TNFRSF11B: variants seen among roughly 807,000 people sequenced by gnomAD.
TNFRSF11B encodes tumor necrosis factor receptor superfamily member 11B.
Under a neutral mutation model 43.4 loss-of-function variants are expected in TNFRSF11B, and 16 were observed. The observed-to-expected ratio is 0.37, with a 90% CI of 0.25 to 0.56. TNFRSF11B has a LOEUF of 0.56. Among genes scored for constraint, TNFRSF11B ranks in the 20% least tolerant of loss-of-function variants. TNFRSF11B has a pLI of 0.80. For missense variants in TNFRSF11B, 444 were observed against 490.1 expected, an observed-to-expected ratio of 0.91 and a Z score of 0.89; for synonymous variants, 185 against 181.8, an observed-to-expected ratio of 1.02 and a Z score of -0.14.
chr8:118,938,798 T>C (rs1445423647), intron 1 of TNFRSF11B, among the ~76,000 whole-genome samples: 1 of 152,240 alleles, frequency 6.6e-6, no homozygotes, highest in East Asian at 1.9e-4. Context: ...GGTGTATGCA[T>C]CTTCCTAAAA....
intron 1 of TNFRSF11B, among the ~76,000 whole-genome samples, chr8:118,934,833 A>G (rs935049872): frequency 6.6e-6 from 1 of 152,204 alleles, no homozygotes; most frequent in Non-Finnish European, 1.5e-5. Context: ...AAGGCATGCC[A>G]AGCTAGGGAA....
intron 1 of TNFRSF11B, among the ~76,000 whole-genome samples, chr8:118,950,533 C>T (rs997006849): frequency 9.2e-5 from 14 of 152,252 alleles, no homozygotes; most frequent in Middle Eastern, 3.4e-3. Flanking sequence ...CTTGAGGTGC[C>T]GATAATATAT....
rs1262914433 is a variant in TNFRSF11B at position 118,924,264 on chromosome 8, T to G, written c.*110A>C. 2 of 1,312,196 alleles carry G rather than the reference T, an allele frequency of 1.5e-6. No homozygotes were observed. Among genetic ancestry groups the G allele is most frequent in the Non-Finnish European group, 2.2e-6 (2 of 918,636 alleles). The allele number at this position is 1,312,196 out of a possible 1,614,324, so 81.3% of individuals were successfully genotyped here. ...TTTTAGTACCCTGTGGCAAAATTAG[T>G]CACTGGTAATGAGAAAGATATCACT... On this transcript the variant is annotated 3_prime_UTR_variant, in exon 5 of 5. Coordinates refer to ENST00000297350, the MANE Select transcript of TNFRSF11B (RefSeq NM_002546.4).
chr8:118,944,604 G>GT (rs996585696), intron 1 of TNFRSF11B, among the ~76,000 whole-genome samples: 33 of 151,424 alleles, frequency 2.2e-4, no homozygotes, highest in Middle Eastern at 3.4e-3. Flanking sequence ...GCACAATCTA[G>GT]TTTTTTTTTC....
At chr8:118,947,947 A>T (rs1812590853) in intron 1 of TNFRSF11B, among the ~76,000 whole-genome samples, 1 of 152,190 alleles carries the variant, frequency 6.6e-6, no homozygotes, top group Non-Finnish European at 1.5e-5. Flanking sequence ...TTTATTATAA[A>T]TTACTTTCTT....
At chr8:118,930,080 C>T (rs1812305315) in intron 2 of TNFRSF11B, among the ~76,000 whole-genome samples, 1 of 152,128 alleles carries the variant, frequency 6.6e-6, no homozygotes, top group African/African-American at 2.4e-5. Flanking sequence ...AAAAAAAGAA[C>T]AGGAGGGGAA....
At chr8:118,948,991 G>A (rs1330017851) in intron 1 of TNFRSF11B, among the ~76,000 whole-genome samples, 1 of 152,060 alleles carries the variant, frequency 6.6e-6, no homozygotes, top group African/African-American at 2.4e-5. Context: ...ACTTAGCTTT[G>A]AGAAGTTCAA....
At chr8:118,944,666 G>A (rs11573846) in intron 1 of TNFRSF11B, among the ~76,000 whole-genome samples, 10,119 of 152,062 alleles carry the variant, frequency 0.067, 403 homozygotes, top group South Asian at 0.092. Flanking sequence ...GAAACAGAGC[G>A]TGGGTGCAGA....
intron 1 of TNFRSF11B, among the ~76,000 whole-genome samples, chr8:118,933,974 A>G (rs1812367290): frequency 6.6e-6 from 1 of 152,222 alleles, no homozygotes; most frequent in Non-Finnish European, 1.5e-5. Flanking sequence ...ATAATACATT[A>G]TAATAAACTA....
intron 2 of TNFRSF11B, 66 bp from the exon 3 acceptor site, chr8:118,928,995 A>C: frequency 6.8e-7 from 1 of 1,478,662 alleles, no homozygotes; most frequent in Non-Finnish European, 9.4e-7. Flanking sequence ...TGCCCTCTTA[A>C]CACAGTTTTG....
At chr8:118,942,198 C>A (rs1423498867) in intron 1 of TNFRSF11B, among the ~76,000 whole-genome samples, 1 of 150,806 alleles carries the variant, frequency 6.6e-6, no homozygotes, top group Non-Finnish European at 1.5e-5. Flanking sequence ...AGGTATATCT[C>A]CTAATGCTAT....
Position 118,928,012 on chromosome 8 carries a change from A to ATGTGTGTG in TNFRSF11B, c.592+718_592+725dup, listed in dbSNP as rs58489703. Among the ~76,000 whole-genome samples the ATGTGTGTG allele has an allele frequency of 4.8e-3, 690 of 145,254 alleles. 2 individuals carry two copies. Among genetic ancestry groups the ATGTGTGTG allele is most frequent in the African/African-American group, 0.012 (472 of 39,176 alleles). On this transcript the variant is annotated intron_variant, in intron 3 of 4. Transcript: ENST00000297350. ...TAACAAAGCCAAGTACACATTTCTA[A>ATGTGTGTG]TGTGTGTGTGTGTGTGTGTGTGTGT... is the stretch of plus-strand genomic sequence containing the variant.
chr8:118,937,421 G>A (rs1246970203), intron 1 of TNFRSF11B, among the ~76,000 whole-genome samples: 1 of 152,068 alleles, frequency 6.6e-6, no homozygotes, highest in East Asian at 1.9e-4. Context: ...CATTCCCTCT[G>A]TAAAATCACC....
Position 118,933,417 on chromosome 8 carries a change from C to T in TNFRSF11B, c.31-117G>A. The T allele has an allele frequency of 4.7e-6, 7 of 1,494,426 alleles. No individual in the cohort carries two copies. In the East Asian group the frequency reaches 6.9e-5, roughly 15 times the overall value. 92.6% of individuals were successfully genotyped at this position (1,494,426 alleles called of 1,614,324 possible). A position where few individuals can be genotyped will look rare whatever the true frequency, so the allele number is the denominator to read the frequency against. ...ATTACCTTAAGCCTAATGAGATTTG[C>T]CACAAAGTAAGCTTGGAAGCCATAA... On this transcript the variant is annotated intron_variant, in intron 1 of 4. Coordinates refer to ENST00000297350, the MANE Select transcript of TNFRSF11B (RefSeq NM_002546.4).
chr8:118,930,994 A>C (rs1430126106), intron 2 of TNFRSF11B, among the ~76,000 whole-genome samples: 1 of 152,202 alleles, frequency 6.6e-6, no homozygotes, highest in African/African-American at 2.4e-5. Flanking sequence ...TATTACTATC[A>C]GTGGAAATAT....
intron 2 of TNFRSF11B, chr8:118,930,853 C>T: frequency 2.5e-6 from 1 of 393,178 alleles, no homozygotes; most frequent in Non-Finnish European, 5.3e-6. Flanking sequence ...CTAAGAATGA[C>T]AGAACTAATG....
In TNFRSF11B at chr8:118,932,997, A is replaced by G. The variant is rs770435026; in HGVS notation, c.334T>C (p.Tyr112His). The G allele has an allele frequency of 4.5e-5, 73 of 1,614,054 alleles. No individual in the cohort carries two copies. Among genetic ancestry groups the G allele is most frequent in the Non-Finnish European group, 6.0e-5 (71 of 1,180,024 alleles). ...NRVCECKEGR[Y>H]LEIEFCLKHR... ...TTCAAGCAGAACTCTATCTCAAGGT[A>G]GCGCCCTTCCTTGCATTCGCACACG... Residue 112 changes from tyrosine (Y) to histidine (H), a missense_variant, in exon 2 of 5, where the codon TAC becomes CAC. By Grantham distance (83) the Tyr-to-His change is moderately conservative. Transcript: ENST00000297350.
intron 1 of TNFRSF11B, among the ~76,000 whole-genome samples, chr8:118,949,455 A>C (rs1439063647): frequency 6.6e-6 from 1 of 152,200 alleles, no homozygotes; most frequent in Admixed American, 6.5e-5. Context: ...CAGAAACTTT[A>C]TGTGGGCATC....
intron 1 of TNFRSF11B, among the ~76,000 whole-genome samples, chr8:118,946,788 C>T (rs1455716737): frequency 6.6e-6 from 1 of 152,110 alleles, no homozygotes; most frequent in African/African-American, 2.4e-5. Context: ...AAATCTCCAG[C>T]CCAGGCTTCT....
Sources: gnomAD v4.1 joint callset for allele counts (sites outside exome capture counted in the v4.1 genomes callset) on GRCh38, gnomAD v4.1.1 for gene constraint, MANE v1.5 for transcripts, NCBI Gene and HGNC (gene_info 2026-07-23, HGNC 2026-07-21) for gene names.